PTPRK: variants seen among roughly 807,000 people sequenced by gnomAD.
The protein encoded by PTPRK is protein tyrosine phosphatase receptor type K.
A neutral mutation model predicts 178.0 loss-of-function variants in PTPRK; 75 were observed. The ratio of observed to expected loss-of-function variants is 0.42; its 90% confidence interval spans 0.35 to 0.51. The LOEUF (loss-of-function observed/expected upper bound fraction) is 0.51, where lower values mean the gene tolerates loss of function less well. PTPRK is among the 20% of genes least tolerant of loss of function. The pLI is 0.02. For synonymous variants in PTPRK, 637 were observed against 620.6 expected (o/e 1.03, Z -0.39); for missense variants, 1,441 against 1,797.8 (o/e 0.80, Z 3.59).
intron 6 of PTPRK, among the ~76,000 whole-genome samples, chr6:128,195,049 A>C (rs1202807560): frequency 6.6e-6 from 1 of 150,734 alleles, no homozygotes; most frequent in Non-Finnish European, 1.5e-5. Flanking sequence ...CACATATGTA[A>C]ATATATGTGA....
At chr6:128,178,153 A>T (rs1801368540) in intron 7 of PTPRK, among the ~76,000 whole-genome samples, 1 of 151,840 alleles carries the variant, frequency 6.6e-6, no homozygotes, top group South Asian at 2.1e-4. Flanking sequence ...GTTTGGGAAA[A>T]ATTATTTTTG....
chr6:128,057,227 C>T (rs1408944914), intron 13 of PTPRK, among the ~76,000 whole-genome samples: 6 of 152,058 alleles, frequency 3.9e-5, no homozygotes, highest in African/African-American at 1.4e-4. Context: ...TTCAAATATT[C>T]TTTTAACTAG....
At chr6:127,977,265 G>A (rs1455596783) in intron 25 of PTPRK, among the ~76,000 whole-genome samples, 2 of 152,200 alleles carry the variant, frequency 1.3e-5, no homozygotes, top group Non-Finnish European at 2.9e-5. Context: ...TTTGGTGGAA[G>A]ACTTCAATGC....
At chr6:128,122,178 A>T (rs780268956) in intron 7 of PTPRK, among the ~76,000 whole-genome samples, 1 of 152,130 alleles carries the variant, frequency 6.6e-6, no homozygotes, top group African/African-American at 2.4e-5. Context: ...AAGTTTTTAC[A>T]TTATTAAGAA....
chr6:128,176,537 G>T, intron 7 of PTPRK, among the ~76,000 whole-genome samples: 1 of 151,746 alleles, frequency 6.6e-6, no homozygotes, highest in Non-Finnish European at 1.5e-5. Flanking sequence ...GACATAAAAG[G>T]CATGAATTTC....
intron 3 of PTPRK, among the ~76,000 whole-genome samples, chr6:128,301,591 C>T (rs1392755496): frequency 6.6e-6 from 1 of 152,034 alleles, no homozygotes. Context: ...AAACTTCAGG[C>T]ATATAGTATC....
chr6:127,981,213 T>G lies in PTPRK; in HGVS notation c.3614A>C (p.Asn1205Thr), dbSNP rs1298447761. ...AGGTGGCAGCATGTCCATGAAACGG[T>G]TCTTGTCATGGTTCCTTGGCAGGCA... Reference protein sequence around the residue: ...IACLPRNHDKNRFMDMLPPDR... With the variant: ...IACLPRNHDKTRFMDMLPPDR... Residue 1205 changes from asparagine to threonine, a missense_variant, in exon 25 of 30, where the codon AAC becomes ACC. Around this residue, in one of 4 missense-constraint regions of PTPRK, gnomAD observed 335 missense variants for 512.4 expected, o/e 0.65. Coordinates refer to ENST00000368226, the MANE Select transcript of PTPRK (RefSeq NM_002844.4). 1 of 1,613,694 alleles carries G rather than the reference T, an allele frequency of 6.2e-7. No homozygotes were observed. Among genetic ancestry groups the G allele is most frequent in the African/African-American group, 1.3e-5 (1 of 74,878 alleles).
intron 1 of PTPRK, among the ~76,000 whole-genome samples, chr6:128,487,229 T>C (rs1414092413): frequency 1.3e-5 from 2 of 148,252 alleles, no homozygotes; most frequent in Non-Finnish European, 3.0e-5. Context: ...CATATTTTCC[T>C]GGTGTAGCTC....
Position 128,089,731 on chromosome 6 carries a change from C to T in PTPRK, c.1424G>A (p.Arg475Lys), listed in dbSNP as rs549289586. ...AATAATTGTCTCTTCACTCTCCTTC[C>T]TTCCCTCTGGATTGGTTAGGATCAT... ...LKMILTNPEG[R>K]KESEETIIQT... Residue 475 changes from arginine (R) to lysine (K), a missense_variant, in exon 8 of 30, where the codon AGG becomes AAG. By Grantham distance (26) the Arg-to-Lys change is conservative. This residue lies in a region of PTPRK where 945 missense variants were observed against 1,080.6 expected (regional missense o/e 0.87). Coordinates refer to ENST00000368226, the MANE Select transcript of PTPRK (RefSeq NM_002844.4). 133 of 1,613,260 alleles carry T rather than the reference C, an allele frequency of 8.2e-5. No homozygotes were observed. In the South Asian group the frequency reaches 1.1e-3, roughly 14 times the overall value.
intron 21 of PTPRK, 33 bp downstream of exon 21, chr6:127,990,736 T>C (rs749044835): frequency 1.4e-6 from 2 of 1,416,784 alleles, no homozygotes; most frequent in Non-Finnish European, 2.0e-6. Context: ...AGTTTTGATA[T>C]CACTTTTTAA....
intron 1 of PTPRK, among the ~76,000 whole-genome samples, chr6:128,415,934 G>T (rs186433733): frequency 7.2e-5 from 11 of 152,204 alleles, no homozygotes; most frequent in African/African-American, 2.6e-4. Context: ...AATGTTTGGG[G>T]CTGATAATAT....
At chr6:128,131,361 C>A (rs1794210988) in intron 7 of PTPRK, among the ~76,000 whole-genome samples, 1 of 152,138 alleles carries the variant, frequency 6.6e-6, no homozygotes, top group Admixed American at 6.5e-5. Flanking sequence ...ACAAACCATG[C>A]CTGACTTAAT....
At chr6:128,090,419 G>A (rs1786719915) in intron 7 of PTPRK, among the ~76,000 whole-genome samples, 2 of 151,992 alleles carry the variant, frequency 1.3e-5, no homozygotes, top group African/African-American at 4.8e-5. Context: ...TGCTGTATAC[G>A]AATTATTCTA....
At chr6:128,001,281 A>G (rs767703819) in intron 15 of PTPRK, 1 of 1,206,000 alleles carries the variant, frequency 8.3e-7, no homozygotes, top group Non-Finnish European at 1.2e-6. Context: ...AAGCCCTTTT[A>G]AATCAGTAAG....
intron 17 of PTPRK, among the ~76,000 whole-genome samples, chr6:127,995,989 T>C (rs961304653): frequency 6.6e-6 from 1 of 152,144 alleles, no homozygotes; most frequent in Non-Finnish European, 1.5e-5. Flanking sequence ...GATTTTGAGC[T>C]ATTCATAAGA....
At chr6:128,139,677 C>G (rs1795498532) in intron 7 of PTPRK, among the ~76,000 whole-genome samples, 1 of 151,990 alleles carries the variant, frequency 6.6e-6, no homozygotes, top group Non-Finnish European at 1.5e-5. Flanking sequence ...ATATCTAAAT[C>G]CAGGTTGCCC....
At chr6:128,322,732 G>A (rs1046026294) in intron 2 of PTPRK, among the ~76,000 whole-genome samples, 4 of 150,584 alleles carry the variant, frequency 2.7e-5, no homozygotes, top group Non-Finnish European at 5.9e-5. Context: ...TTTACACAAA[G>A]GGTACACCTT....
intron 2 of PTPRK, among the ~76,000 whole-genome samples, chr6:128,343,040 A>T (rs545299019): frequency 6.6e-6 from 1 of 152,322 alleles, no homozygotes; most frequent in African/African-American, 2.4e-5. Flanking sequence ...ATTGTGAAAA[A>T]GTACAGCTAC....
chr6:128,300,977 G>A (rs958973636), intron 3 of PTPRK, among the ~76,000 whole-genome samples: 1 of 148,590 alleles, frequency 6.7e-6, no homozygotes, highest in Admixed American at 6.8e-5. Flanking sequence ...CTACCATCTA[G>A]TCTTACTTAT....
Sources: gnomAD v4.1 joint callset for allele counts (sites outside exome capture counted in the v4.1 genomes callset) on GRCh38, gnomAD v4.1.1 for gene constraint, gnomAD v4.1.1 regional missense constraint, MANE v1.5 for transcripts, NCBI Gene and HGNC (gene_info 2026-07-23, HGNC 2026-07-21) for gene names.